The following KNDC1 variants were observed in gnomAD, a reference collection of about 807,000 sequenced individuals.
KNDC1 encodes the protein kinase non-catalytic C-lobe domain containing 1.
Under a neutral mutation model 172.8 loss-of-function variants are expected in KNDC1, and 106 were observed. The ratio of observed to expected loss-of-function variants is 0.61; its 90% CI spans 0.52 to 0.72. The LOEUF is 0.72. Among genes scored for constraint, KNDC1 ranks in the 30% least tolerant of loss-of-function variants. The probability of loss-of-function intolerance (pLI) is 0.00; values close to 1 mark genes in which losing one functional copy is unlikely to be tolerated. For missense variants in KNDC1, 2,325 were observed against 2,394.5 expected, an observed-to-expected ratio of 0.97 and a Z score of 0.61; for synonymous variants, 1,083 against 1,062.2, an observed-to-expected ratio of 1.02 and a Z score of -0.38.
intron 1 of KNDC1, among the ~76,000 whole-genome samples, chr10:133,165,232 A>G (rs1039371068): frequency 2.0e-5 from 3 of 152,172 alleles, no homozygotes; most frequent in Non-Finnish European, 4.4e-5. Context: ...GAATTCAGAC[A>G]CGCCCACCTC....
At chr10:133,216,304 G>A (rs756801594) in intron 26 of KNDC1, among the ~76,000 whole-genome samples, 1 of 152,078 alleles carries the variant, frequency 6.6e-6, no homozygotes, top group African/African-American at 2.4e-5. Flanking sequence ...ACAATGTCTT[G>A]GTGGCACCGT....
At chr10:133,193,186 A>C (rs2135987858) in intron 9 of KNDC1, among the ~76,000 whole-genome samples, 1 of 152,338 alleles carries the variant, frequency 6.6e-6, no homozygotes, top group South Asian at 2.1e-4. Context: ...TTCTGAAAGA[A>C]CTTTCAACCC....
intron 3 of KNDC1, chr10:133,179,148 CG>C (rs1290615094): frequency 6.6e-6 from 1 of 152,248 alleles, no homozygotes; most frequent in Non-Finnish European, 1.5e-5. Context: ...GAAGGCACCC[CG>C]GTCCTTGGGA....
At position 133,224,640 on chromosome 10, in the gene KNDC1, CTT is replaced by C; in HGVS notation, c.5019-18_5019-17del. On this transcript the variant is annotated splice_polypyrimidine_tract_variant and intron_variant, in intron 29 of 29. Coordinates refer to ENST00000304613, the MANE Select transcript of KNDC1 (RefSeq NM_152643.8). This position sits in a 1 kb window ranked among gnomAD's most constrained non-coding sequence, Gnocchi z 5.4. ...CCCTGCCCTGTGCAAACTAACGTCT[CTT>C]CTTTCCTCAACGGAAGGAACATCGC... is the stretch of plus-strand genomic sequence containing the variant. 12 of 1,607,192 alleles carry C rather than the reference CTT, an allele frequency of 7.5e-6. No individual in the cohort carries two copies. Among genetic ancestry groups the C allele is most frequent in the African/African-American group, 1.3e-5 (1 of 74,898 alleles).
rs1289914387 is a variant in KNDC1, at chr10:133,209,081, G to A, written c.3795-1530G>A. 2.6e-5 allele frequency among the ~76,000 whole-genome samples: 4 copies of A among 151,628 alleles called. No homozygotes were observed. The highest frequency in any genetic ancestry group is 5.9e-5 in the Non-Finnish European group (4 of 67,918). On this transcript the variant is annotated intron_variant, in intron 20 of 29. Transcript: ENST00000304613. The surrounding 1 kb of genome is among the most constrained non-coding windows in gnomAD (Gnocchi z 4.9). The stretch of plus-strand genomic sequence containing the variant: ...GATGTGTGTGCATGTGTGGGGTGAT[G>A]TGTGGCTTGCGTGCCCATGTATGGT...
chr10:133,182,027 T>C (rs1363445851), intron 3 of KNDC1, among the ~76,000 whole-genome samples: 1 of 152,054 alleles, frequency 6.6e-6, no homozygotes, highest in Non-Finnish European at 1.5e-5. Context: ...AGCTTGGTGA[T>C]AGTGGTTGGA....
rs1247169148 is a variant in KNDC1, at chr10:133,186,349, C to A, written c.1001C>A (p.Ser334Ter). 2 of 1,612,744 alleles carry A rather than the reference C, an allele frequency of 1.2e-6. No individual in the cohort carries two copies. The highest frequency in any genetic ancestry group is 1.7e-6 in the Non-Finnish European group (2 of 1,179,964). Residue 334 changes from serine to a stop codon, truncating the protein, a stop_gained, in exon 6 of 30, where the codon TCG (serine) becomes TAG (stop). Coordinates refer to ENST00000304613, the MANE Select transcript of KNDC1 (RefSeq NM_152643.8). LOFTEE classifies it high-confidence loss of function. The part of the protein sequence containing the change: ...LTRGKSQLPI[S>*]ELFSPDPRKA... ...CGCGGGAAAAGCCAGCTGCCCATAT[C>A]GGAATTATTCTCTCCGGACCCCAGG...
intron 23 of KNDC1, 51 bp from the exon 24 acceptor site, chr10:133,212,665 C>G: frequency 6.5e-7 from 1 of 1,540,656 alleles, no homozygotes; most frequent in African/African-American, 1.4e-5. Flanking sequence ...GGACCCCTGA[C>G]CCAGAGGGGA....
Position 133,201,639 on chromosome 10 carries a change from A to T in KNDC1, c.3128A>T (p.Glu1043Val). The T allele has an allele frequency of 6.2e-7, 1 of 1,613,014 alleles. No homozygotes were observed. The highest frequency in any genetic ancestry group is 8.5e-7 in the Non-Finnish European group (1 of 1,179,952). ...GFRPQRSVKA[E>V]RAQQPEAGED... is the part of the protein sequence containing the mutation. ...CGGCCTCAGAGGTCCGTAAAAGCCG[A>T]GAGAGCGCAGCAGCCTGAGGCTGGC... The change falls in exon 17 of 30, where the codon GAG (glutamate) becomes GTG (valine). Residue 1043 changes from glutamate (E) to valine (V), a missense_variant. By Grantham distance (121) the Glu-to-Val change is moderately radical. Transcript: ENST00000304613.
intron 21 of KNDC1, 41 bp downstream of exon 21, chr10:133,210,765 C>G: frequency 6.5e-7 from 1 of 1,526,858 alleles, no homozygotes; most frequent in East Asian, 2.2e-5. Flanking sequence ...GAGCTTCCCC[C>G]TGGGGCAGGG....
chr10:133,185,536 C>T (rs1432479127), intron 5 of KNDC1, among the ~76,000 whole-genome samples: 2 of 151,692 alleles, frequency 1.3e-5, no homozygotes, highest in African/African-American at 4.8e-5. Context: ...GAGCCACACA[C>T]AGCAGAGAGA....
intron 3 of KNDC1, among the ~76,000 whole-genome samples, chr10:133,180,875 C>T (rs193172880): frequency 6.6e-6 from 1 of 152,348 alleles, no homozygotes; most frequent in East Asian, 1.9e-4. Context: ...TACAAAAATG[C>T]AAATTAACTC....
chr10:133,201,706 A>G lies in KNDC1; in HGVS notation c.3195A>G (p.Ala1065=), dbSNP rs1315268062. 4.3e-6 allele frequency: 7 copies of G among 1,610,944 alleles called. No individual in the cohort carries two copies. In the Admixed American group the frequency reaches 1.0e-4, roughly 23 times the overall value. Residue 1065 remains alanine (A), a synonymous_variant, in exon 17 of 30, where the codon GCA becomes GCG. Transcript: ENST00000304613. ...CTGGCGGGGCCTCAGACGTGGAGGC[A>G]GTGACCCGACTGGCCAGGTCCAAAG... The part of the protein sequence containing the change: ...RPAGGASDVE[A]VTRLARSKGV...
rs1853791822 is a variant in KNDC1, at chr10:133,183,619, A to AT, written c.507+133dup. The AT allele has an allele frequency of 1.5e-5, 17 of 1,141,414 alleles. No homozygotes were observed. The Admixed American group carries it at 5.1e-4, about 34-fold the overall frequency. 70.7% of individuals were successfully genotyped at this position (1,141,414 alleles called of 1,614,324 possible). A position where few individuals can be genotyped will look rare whatever the true frequency, so the allele number is the denominator to read the frequency against. ...CGCAACCACAGTCTCATGGCATGGCATTTTGCTTAAAGGAGGACTTGGTTT... is the reference window on the plus strand; with the variant it reads ...CGCAACCACAGTCTCATGGCATGGCATTTTTGCTTAAAGGAGGACTTGGTTT... On this transcript the variant is annotated intron_variant, in intron 4 of 29. Transcript: ENST00000304613.
chr10:133,172,214 T>A (rs1164682929), intron 3 of KNDC1, among the ~76,000 whole-genome samples: 1 of 152,190 alleles, frequency 6.6e-6, no homozygotes, highest in Non-Finnish European at 1.5e-5. Flanking sequence ...AAGAGCGCTT[T>A]TCACCTTCCT....
Position 133,209,712 on chromosome 10 carries a change from G to T in KNDC1, c.3795-899G>T, listed in dbSNP as rs919527653. ...GCTTCCCCGCTCTGTGGACCTGGTG[G>T]GCGTCACCTTTGCAGGGCAGCCTGG... On this transcript the variant is annotated intron_variant, in intron 20 of 29. Coordinates refer to ENST00000304613, the MANE Select transcript of KNDC1 (RefSeq NM_152643.8). This position sits in a 1 kb window ranked among gnomAD's most constrained non-coding sequence, Gnocchi z 4.9. 2.0e-5 allele frequency among the ~76,000 whole-genome samples: 3 copies of T among 152,040 alleles called. No individual in the cohort carries two copies. Among genetic ancestry groups the T allele is most frequent in the African/African-American group, 7.3e-5 (3 of 41,358 alleles).
Position 133,186,651 on chromosome 10 carries a change from C to T in KNDC1, c.1303C>T (p.Leu435=). The T allele has an allele frequency of 6.3e-7, 1 of 1,588,742 alleles. No individual in the cohort carries two copies. The highest frequency in any genetic ancestry group is 8.5e-7 in the Non-Finnish European group (1 of 1,176,024). ...DERIPEGARQ[L]ESAAAEQWVS... is the part of the protein sequence containing the mutation. ...GAGAATTCCAGAAGGAGCTAGGCAG[C>T]TGGAAAGTGCAGCCGCGGAGCAGGT... is the stretch of plus-strand genomic sequence containing the variant. Residue 435 remains leucine (L), a synonymous_variant, in exon 6 of 30, where the codon CTG becomes TTG. Transcript: ENST00000304613.
In KNDC1 at chr10:133,224,141, G is replaced by A. The variant is rs569380075; in HGVS notation, c.5019-518G>A. Among the ~76,000 whole-genome samples the A allele has an allele frequency of 1.2e-4, 18 of 152,322 alleles. No homozygotes were observed. Among genetic ancestry groups the A allele is most frequent in the South Asian group, 4.1e-4 (2 of 4,834 alleles). On this transcript the variant is annotated intron_variant, in intron 29 of 29. Transcript: ENST00000304613. This position sits in a 1 kb window ranked among gnomAD's most constrained non-coding sequence, Gnocchi z 5.4. ...TTTCCATCCAAAATCAGGACAGGGC[G>A]TCTGTCTGTGGCATCAGTGTCCCCA...
chr10:133,190,783 A>G (rs548772233), intron 9 of KNDC1, among the ~76,000 whole-genome samples: 1 of 152,228 alleles, frequency 6.6e-6, no homozygotes, highest in South Asian at 2.1e-4. Flanking sequence ...CTGGGAAAGC[A>G]CTGTCATCTG....
Sources: gnomAD v4.1 joint callset for allele counts (sites outside exome capture counted in the v4.1 genomes callset) on GRCh38, gnomAD v4.1.1 for gene constraint, Gnocchi (gnomAD v3.1) non-coding constraint, MANE v1.5 for transcripts, NCBI Gene and HGNC (gene_info 2026-07-23, HGNC 2026-07-21) for gene names.